The following NEK1 variants were observed in gnomAD, a reference collection of about 807,000 sequenced individuals.
The protein encoded by NEK1 is NIMA related kinase 1.
A neutral mutation model predicts 182.1 loss-of-function variants in NEK1; 137 were observed. The ratio of observed to expected loss-of-function variants is 0.75; its 90% CI spans 0.65 to 0.87. The LOEUF (loss-of-function observed/expected upper bound fraction) is 0.87, where lower values mean the gene tolerates loss of function less well. Ranked by LOEUF, NEK1 falls within the 40% of genes least tolerant of loss-of-function variation. NEK1 has a pLI of 0.00. For missense variants in NEK1, 1,391 were observed against 1,494.4 expected (o/e 0.93, Z 1.14); for synonymous variants, 513 against 492.2 (o/e 1.04, Z -0.56).
At chr4:169,459,061 T>C (rs1743456311) in intron 27 of NEK1, among the ~76,000 whole-genome samples, 1 of 150,788 alleles carries the variant, frequency 6.6e-6, no homozygotes, top group Non-Finnish European at 1.5e-5. Context: ...AAAAACCCAA[T>C]CCAAAACACT....
rs772747361 is a variant in NEK1, at chr4:169,585,461, C to T, written c.695G>A (p.Arg232His). 31 of 1,613,140 alleles carry T rather than the reference C, an allele frequency of 1.9e-5. 1 individual carries two copies. Among genetic ancestry groups the T allele is most frequent in the African/African-American group, 1.5e-4 (11 of 74,852 alleles). The part of the protein sequence containing the change: ...PVSLHYSYDL[R>H]SLVSQLFKRN... ...TTTAAATAACTGAGACACCAAACTG[C>T]GGAGATCATAGGAATAATGCAAAGA... Residue 232 changes from arginine (R) to histidine (H), a missense_variant, in exon 10 of 36, where the codon CGC becomes CAC. Transcript: ENST00000507142.
intron 2 of NEK1, among the ~76,000 whole-genome samples, chr4:169,607,516 G>A (rs1374490885): frequency 6.6e-6 from 1 of 151,962 alleles, no homozygotes; most frequent in Non-Finnish European, 1.5e-5. Context: ...AGGCTGGAGT[G>A]CAGTGGCGCA....
intron 23 of NEK1, among the ~76,000 whole-genome samples, chr4:169,504,609 C>T (rs922930928): frequency 6.6e-5 from 10 of 152,050 alleles, no homozygotes; most frequent in Non-Finnish European, 1.5e-4. Context: ...AGTTCTATTA[C>T]GTTAGGTGAA....
At chr4:169,466,765 G>A (rs1745005818) in intron 26 of NEK1, among the ~76,000 whole-genome samples, 1 of 151,900 alleles carries the variant, frequency 6.6e-6, no homozygotes, top group African/African-American at 2.4e-5. Flanking sequence ...CAAAAGAAAT[G>A]AAAACTACAT....
intron 16 of NEK1, among the ~76,000 whole-genome samples, chr4:169,558,776 A>G (rs1410605746): frequency 1.3e-5 from 2 of 152,238 alleles, no homozygotes; most frequent in Non-Finnish European, 2.9e-5. Context: ...TTTTGCAGAT[A>G]CTAAATAATC....
intron 19 of NEK1, among the ~76,000 whole-genome samples, chr4:169,531,870 A>C (rs1037696512): frequency 6.6e-6 from 1 of 152,244 alleles, no homozygotes; most frequent in African/African-American, 2.4e-5. Flanking sequence ...AAAAGCATCT[A>C]TTTTGGAAAC....
chr4:169,586,013 T>A (rs1463223832), intron 9 of NEK1, among the ~76,000 whole-genome samples: 1 of 152,108 alleles, frequency 6.6e-6, no homozygotes, highest in Non-Finnish European at 1.5e-5. Context: ...ATACTTTCCT[T>A]TTAGACAATG....
At chr4:169,506,870 CAG>C (rs1753352169) in intron 23 of NEK1, 165 bp downstream of exon 23, 5 of 385,688 alleles carry the variant, frequency 1.3e-5, no homozygotes, top group Admixed American at 8.8e-5. Flanking sequence ...GCGAGAGAGA[CAG>C]AGAGACTGAG....
At chr4:169,586,436 T>C (rs1051935253) in intron 9 of NEK1, among the ~76,000 whole-genome samples, 3 of 152,062 alleles carry the variant, frequency 2.0e-5, no homozygotes, top group African/African-American at 7.2e-5. Flanking sequence ...TCTATTCCAA[T>C]GCACTTTCGT....
At chr4:169,506,929 A>T in intron 23 of NEK1, 108 bp downstream of exon 23, 1 of 596,116 alleles carries the variant, frequency 1.7e-6, no homozygotes. Context: ...TGAGAATGAA[A>T]AAACAGAAAA....
chr4:169,451,136 C>T (rs569878558), intron 27 of NEK1, among the ~76,000 whole-genome samples: 91 of 152,280 alleles, frequency 6.0e-4, no homozygotes, highest in African/African-American at 2.1e-3. Flanking sequence ...ATTCATAAAG[C>T]AAGTTCTTAG....
rs1374604710 is a variant in NEK1 at position 169,401,761 on chromosome 4, CTCT to C, written c.3471_3473del (p.Glu1158del). On this transcript the variant is annotated inframe_deletion, in exon 33 of 36. Coordinates refer to ENST00000507142, the MANE Select transcript of NEK1 (RefSeq NM_001199397.3). ...CCACATCACTGTTCTTCAAGACTGA[CTCT>C]TCTTCTTCACTGTATTCTTCACCAG... 1.9e-5 allele frequency: 31 copies of C among 1,613,806 alleles called. No homozygotes were observed. Among genetic ancestry groups the C allele is most frequent in the Non-Finnish European group, 2.6e-5 (31 of 1,179,822 alleles).
chr4:169,550,046 T>C (rs917003609), intron 18 of NEK1, among the ~76,000 whole-genome samples: 1 of 152,152 alleles, frequency 6.6e-6, no homozygotes, highest in African/African-American at 2.4e-5. Context: ...GCAATACAGT[T>C]TGGCTGTGTC....
intron 29 of NEK1, among the ~76,000 whole-genome samples, chr4:169,426,782 T>C (rs1736476017): frequency 6.6e-6 from 1 of 152,216 alleles, no homozygotes; most frequent in Admixed American, 6.5e-5. Flanking sequence ...AGGCAAGATA[T>C]ACTGTTAAGT....
At chr4:169,471,940 G>A (rs1429820914) in intron 26 of NEK1, among the ~76,000 whole-genome samples, 1 of 152,100 alleles carries the variant, frequency 6.6e-6, no homozygotes, top group Non-Finnish European at 1.5e-5. Context: ...CAAAGCCTCA[G>A]TAATGGCAGA....
rs192077383 is a variant in NEK1, at chr4:169,589,419, T to C, written c.464+28A>G. 3.7e-5 allele frequency: 49 copies of C among 1,312,444 alleles called. No individual in the cohort carries two copies. The African/African-American group carries it at 6.7e-4, about 18-fold the overall frequency. 81.3% of individuals were successfully genotyped at this position (1,312,444 alleles called of 1,614,324 possible). A position where few individuals can be genotyped will look rare whatever the true frequency, so the allele number is the denominator to read the frequency against. ...TTGAAGGTTCGCTGAAAACATTATATCAAAACAAAGTTTAAAATTCATGTT... is the reference window on the plus strand; with the variant it reads ...TTGAAGGTTCGCTGAAAACATTATACCAAAACAAAGTTTAAAATTCATGTT... On this transcript the variant is annotated intron_variant, in intron 7 of 35. Coordinates refer to ENST00000507142, the MANE Select transcript of NEK1 (RefSeq NM_001199397.3).
chr4:169,490,479 A>G (rs1172559736), intron 23 of NEK1, among the ~76,000 whole-genome samples: 1 of 152,172 alleles, frequency 6.6e-6, no homozygotes, highest in Non-Finnish European at 1.5e-5. Context: ...TAATGACCCC[A>G]AAGAAATGGA....
At chr4:169,605,173 T>A (rs1771128966) in intron 2 of NEK1, among the ~76,000 whole-genome samples, 1 of 152,212 alleles carries the variant, frequency 6.6e-6, no homozygotes, top group South Asian at 2.1e-4. Flanking sequence ...AATTAGTCAA[T>A]TTGGCCATTC....
intron 18 of NEK1, 129 bp downstream of exon 18, chr4:169,555,591 T>C (rs1762043888): frequency 1.6e-6 from 2 of 1,231,616 alleles, no homozygotes; most frequent in Non-Finnish European, 2.3e-6. Context: ...AAAATTATTG[T>C]ACCCAAGAGG....
Sources: gnomAD v4.1 joint callset for allele counts (sites outside exome capture counted in the v4.1 genomes callset) on GRCh38, gnomAD v4.1.1 for gene constraint, MANE v1.5 for transcripts, NCBI Gene and HGNC (gene_info 2026-07-23, HGNC 2026-07-21) for gene names.